AGMO: variants seen among roughly 807,000 people sequenced by gnomAD.
AGMO encodes the protein glyceryl-ether monooxygenase.
A neutral mutation model predicts 60.2 loss-of-function variants in AGMO; 75 were observed. The ratio of observed to expected loss-of-function variants is 1.25; its 90% confidence interval spans 1.03 to 1.51. The LOEUF (loss-of-function observed/expected upper bound fraction) is 1.51, where lower values mean the gene tolerates loss of function less well. Among genes scored for constraint, AGMO ranks in the 40% most tolerant of loss-of-function variants. The pLI is 0.00. For synonymous variants in AGMO, 261 were observed against 177.1 expected, an observed-to-expected ratio of 1.47 and a Z score of -3.76; for missense variants, 763 against 525.5, an observed-to-expected ratio of 1.45 and a Z score of -4.42.
At chr7:15,543,265 A>G (rs1784681234) in intron 3 of AGMO, among the ~76,000 whole-genome samples, 1 of 152,112 alleles carries the variant, frequency 6.6e-6, no homozygotes, top group African/African-American at 2.4e-5. Flanking sequence ...CTCCTCAGAG[A>G]CCACTTGCTC....
At chr7:15,264,090 A>T (rs1235010088) in intron 12 of AGMO, among the ~76,000 whole-genome samples, 1 of 151,898 alleles carries the variant, frequency 6.6e-6, no homozygotes, top group East Asian at 1.9e-4. Flanking sequence ...TATAAAAATA[A>T]AAAAATTAAA....
At chr7:15,294,606 G>A (rs1051583305) in intron 12 of AGMO, among the ~76,000 whole-genome samples, 2 of 151,838 alleles carry the variant, frequency 1.3e-5, no homozygotes, top group African/African-American at 4.8e-5. Context: ...CTAAAAATGT[G>A]AATAATTTAA....
At chr7:15,269,889 A>T (rs182867002) in intron 12 of AGMO, among the ~76,000 whole-genome samples, 80 of 152,182 alleles carry the variant, frequency 5.3e-4, no homozygotes, top group Non-Finnish European at 1.0e-3. Flanking sequence ...GAGCTATCTC[A>T]CTAAGGATAA....
intron 12 of AGMO, among the ~76,000 whole-genome samples, chr7:15,346,565 CTCT>C (rs1007860419): frequency 1.3e-5 from 2 of 151,254 alleles, no homozygotes; most frequent in Middle Eastern, 3.5e-3. Context: ...TGTATTGTCA[CTCT>C]TCTTTATATT....
intron 12 of AGMO, among the ~76,000 whole-genome samples, chr7:15,257,640 T>C (rs973822166): frequency 2.0e-5 from 3 of 152,176 alleles, no homozygotes; most frequent in Non-Finnish European, 4.4e-5. Flanking sequence ...GTAACAAGAA[T>C]AATTGAGCTA....
intron 10 of AGMO, among the ~76,000 whole-genome samples, chr7:15,383,436 A>G (rs141890081): frequency 2.4e-3 from 358 of 152,282 alleles, no homozygotes; most frequent in African/African-American, 7.8e-3. Flanking sequence ...AATAAAAAAA[A>G]GTCCCACCTA....
the AGMO span, among the ~76,000 whole-genome samples, chr7:15,184,363 G>GAAGGAAGGAAAGAAGGGAGGGAGGAAGA: frequency 1.8e-4 from 1 of 5,502 alleles, no homozygotes. Context: ...GGGAGGGAAG[G>GAAGGAAGGAAAGAAGGGAGGGAGGAAGA]AAGGGAAGGA....
At chr7:15,161,761 C>T in the AGMO span, among the ~76,000 whole-genome samples, 1 of 151,676 alleles carries the variant, frequency 6.6e-6, no homozygotes, top group African/African-American at 2.4e-5. Context: ...ACACGCACAC[C>T]CTATTGGTTC....
At chr7:15,126,295 T>C in the AGMO span, among the ~76,000 whole-genome samples, 1 of 152,114 alleles carries the variant, frequency 6.6e-6, no homozygotes, top group African/African-American at 2.4e-5. Flanking sequence ...GAGGTGTTTG[T>C]ATAATGGAGC....
chr7:15,523,170 A>G (rs143643522), intron 3 of AGMO, among the ~76,000 whole-genome samples: 7,526 of 152,152 alleles, frequency 0.049, 642 homozygotes, highest in African/African-American at 0.17. Flanking sequence ...TTAGAATGGC[A>G]ATCATTAAAA....
At chr7:15,127,391 T>C in the AGMO span, among the ~76,000 whole-genome samples, 1 of 152,154 alleles carries the variant, frequency 6.6e-6, no homozygotes, top group Non-Finnish European at 1.5e-5. Context: ...ACAAAAATTT[T>C]CTCAACCTTA....
rs1476288662 is a variant in AGMO at position 15,560,221 on chromosome 7, C to G, written c.177G>C (p.Trp59Cys). Reference sequence around the variant, plus strand: ...GACCTGGTGGCTTTCCTTTGAGAATCCAGCTGACAACAAGTTCAAGCAGCA... The same window carrying G: ...GACCTGGTGGCTTTCCTTTGAGAATGCAGCTGACAACAAGTTCAAGCAGCA... ...SLMLLELVVS[W>C]ILKGKPPGRL... Residue 59 changes from tryptophan (W) to cysteine (C), a missense_variant, in exon 2 of 13, where the codon TGG becomes TGC. Trp to Cys is a radical substitution (Grantham distance 215). Coordinates refer to ENST00000342526, the MANE Select transcript of AGMO (RefSeq NM_001004320.2). The G allele has an allele frequency of 4.3e-6, 7 of 1,612,908 alleles. No homozygotes were observed. The highest frequency in any genetic ancestry group is 1.3e-5 in the African/African-American group (1 of 74,926).
chr7:15,208,686 T>C (rs555385278), intron 12 of AGMO, among the ~76,000 whole-genome samples: 30 of 152,282 alleles, frequency 2.0e-4, no homozygotes, highest in African/African-American at 6.5e-4. Context: ...TATAAGATAG[T>C]TCTGTGAATT....
chr7:15,202,783 T>C (rs10256260), intron 12 of AGMO, among the ~76,000 whole-genome samples: 1,729 of 152,222 alleles, frequency 0.011, 25 homozygotes, highest in African/African-American at 0.04. Flanking sequence ...TGACTGTAAT[T>C]CAAGAGAAAT....
intron 12 of AGMO, among the ~76,000 whole-genome samples, chr7:15,251,074 T>C (rs1782919848): frequency 1.3e-5 from 2 of 152,110 alleles, no homozygotes; most frequent in South Asian, 4.1e-4. Flanking sequence ...TGCTTAAATA[T>C]ATTAATATAA....
chr7:15,171,835 T>G, the AGMO span, among the ~76,000 whole-genome samples: 1,243 of 152,270 alleles, frequency 8.2e-3, 14 homozygotes, highest in African/African-American at 0.028. Flanking sequence ...GGGGGAAAGA[T>G]TCATGCCACA....
intron 3 of AGMO, among the ~76,000 whole-genome samples, chr7:15,443,319 A>C (rs1221428299): frequency 1.3e-5 from 2 of 152,246 alleles, no homozygotes; most frequent in South Asian, 2.1e-4. Flanking sequence ...GTGGGGTTGG[A>C]GCCCCACAGC....
At chr7:15,294,398 A>G (rs1003573647) in intron 12 of AGMO, among the ~76,000 whole-genome samples, 1 of 152,022 alleles carries the variant, frequency 6.6e-6, no homozygotes, top group African/African-American at 2.4e-5. Flanking sequence ...ACAGAAAAGC[A>G]AGAGAGTAAA....
At chr7:15,410,171 T>C (rs1165613119) in intron 5 of AGMO, among the ~76,000 whole-genome samples, 1 of 151,694 alleles carries the variant, frequency 6.6e-6, no homozygotes, top group Non-Finnish European at 1.5e-5. Context: ...TACTTCTTCA[T>C]GAAGAAAATT....
Sources: allele counts gnomAD v4.1 joint callset (sites outside exome capture counted in the v4.1 genomes callset), GRCh38; gene constraint gnomAD v4.1.1; transcripts MANE v1.5; gene names NCBI Gene and HGNC (gene_info 2026-07-23, HGNC 2026-07-21).